ACTN2: variants seen among roughly 807,000 people sequenced by gnomAD.
ACTN2 encodes alpha-actinin-2.
Under a neutral mutation model 113.8 loss-of-function variants are expected in ACTN2, and 39 were observed. The observed-to-expected ratio is 0.34, with a 90% confidence interval of 0.27 to 0.45. The LOEUF (loss-of-function observed/expected upper bound fraction) is 0.45. Among genes scored for constraint, ACTN2 ranks in the 20% least tolerant of loss-of-function variants. The pLI is 1.00. For missense variants in ACTN2, 992 were observed against 1,177.9 expected, an observed-to-expected ratio of 0.84 and a Z score of 2.31; for synonymous variants, 429 against 444.1, an observed-to-expected ratio of 0.97 and a Z score of 0.43.
intron 9 of ACTN2, among the ~76,000 whole-genome samples, chr1:236,737,724 G>C (rs1658934914): frequency 6.6e-6 from 1 of 152,146 alleles, no homozygotes; most frequent in Non-Finnish European, 1.5e-5. Flanking sequence ...GGAAGACAGA[G>C]CCCTCCCTGC....
At chr1:236,745,079 C>T (rs1283624685) in intron 12 of ACTN2, among the ~76,000 whole-genome samples, 1 of 152,154 alleles carries the variant, frequency 6.6e-6, no homozygotes, top group Non-Finnish European at 1.5e-5. Flanking sequence ...GGCGGCCTCA[C>T]CCAGGCCAGG....
Position 236,762,730 on chromosome 1 carries a change from A to G in ACTN2, c.*111A>G, listed in dbSNP as rs1051251. 0.62 allele frequency: 771,765 copies of G among 1,236,128 alleles called. 234,311 individuals are homozygous for G. Among genetic ancestry groups the G allele is most frequent in the Non-Finnish European group, 0.68 (604,810 of 893,964 alleles). 76.6% of individuals were successfully genotyped at this position (1,236,128 alleles called of 1,614,324 possible). On this transcript the variant is annotated 3_prime_UTR_variant, in exon 21 of 21. Coordinates refer to ENST00000366578, the MANE Select transcript of ACTN2 (RefSeq NM_001103.4). ...TATTAAGTTGAGAGAGAGAGAGGGG[A>G]AAAAAAAAAGCCTTTCGTAGTTCAG...
At chr1:236,699,817 C>T (rs530926121) in intron 1 of ACTN2, among the ~76,000 whole-genome samples, 5 of 152,174 alleles carry the variant, frequency 3.3e-5, no homozygotes, top group East Asian at 1.9e-4. Flanking sequence ...TGAATCTCTC[C>T]GTATCCAGTA....
At position 236,751,607 on chromosome 1, in the gene ACTN2, G is replaced by A. The variant is rs137890030; in HGVS notation, c.1794G>A (p.Pro598=). The change falls in exon 15 of 21, where the codon CCG becomes CCA. Residue 598 remains proline (P), a synonymous_variant. Transcript: ENST00000366578. ...ACATCAGAATCAGCTCAAGCAACCC[G>A]TACAGCACTGTCACCATGGATGAGC... The part of the protein sequence containing the change: ...SYNIRISSSN[P]YSTVTMDELR... The A allele has an allele frequency of 6.3e-5, 101 of 1,613,982 alleles. No homozygotes were observed. The highest frequency in any genetic ancestry group is 3.8e-4 in the East Asian group (17 of 44,874).
chr1:236,755,607 C>T (rs3768129), intron 17 of ACTN2, among the ~76,000 whole-genome samples: 1,787 of 151,308 alleles, frequency 0.012, 47 homozygotes, highest in East Asian at 0.087. Context: ...GCAGAGTGCC[C>T]GCTGCCACTG....
intron 1 of ACTN2, among the ~76,000 whole-genome samples, chr1:236,716,634 T>C (rs1313998937): frequency 1.3e-5 from 2 of 152,124 alleles, no homozygotes; most frequent in Non-Finnish European, 2.9e-5. Context: ...GCTTGGAATA[T>C]GCTTGTAGGA....
intron 1 of ACTN2, among the ~76,000 whole-genome samples, chr1:236,715,317 C>G (rs187098773): frequency 0.012 from 1,401 of 112,838 alleles, 32 homozygotes; most frequent in African/African-American, 0.042. Context: ...CTCCCCCCAC[C>G]CTGTTACCAC....
At chr1:236,708,072 C>A (rs555094278) in intron 1 of ACTN2, among the ~76,000 whole-genome samples, 1 of 152,120 alleles carries the variant, frequency 6.6e-6, no homozygotes, top group African/African-American at 2.4e-5. Context: ...CTTGTCCACA[C>A]TAGACACTAA....
chr1:236,712,199 C>T (rs1238157422), intron 1 of ACTN2, among the ~76,000 whole-genome samples: 1 of 152,174 alleles, frequency 6.6e-6, no homozygotes, highest in Non-Finnish European at 1.5e-5. Flanking sequence ...CCATGATTAA[C>T]AGACTTTTCA....
chr1:236,739,175 G>C, intron 9 of ACTN2, 127 bp from the exon 10 acceptor site: 1 of 981,212 alleles, frequency 1.0e-6, no homozygotes, highest in Non-Finnish European at 1.6e-6. Context: ...GTGCGTAGAG[G>C]TACCACATCT....
intron 11 of ACTN2, among the ~76,000 whole-genome samples, chr1:236,743,569 C>T (rs1461855212): frequency 8.4e-5 from 12 of 143,152 alleles, no homozygotes; most frequent in East Asian, 2.0e-4. Flanking sequence ...GAATATGGCC[C>T]TTTTTTTTTT....
intron 1 of ACTN2, among the ~76,000 whole-genome samples, chr1:236,713,141 T>C (rs968562055): frequency 6.6e-6 from 1 of 152,096 alleles, no homozygotes; most frequent in Non-Finnish European, 1.5e-5. Context: ...GTTTATACAC[T>C]ACAGTGGAAT....
rs1230956710 is a variant in ACTN2, at chr1:236,725,926, A to G, written c.449-7A>G. The G allele has an allele frequency of 2.5e-6, 4 of 1,614,080 alleles. No homozygotes were observed. The East Asian group carries it at 6.7e-5, about 27-fold the overall frequency. On this transcript the variant is annotated splice_region_variant and splice_polypyrimidine_tract_variant and intron_variant, in intron 4 of 20. Coordinates refer to ENST00000366578, the MANE Select transcript of ACTN2 (RefSeq NM_001103.4). Reference sequence around the variant, plus strand: ...CTGGGGCCACTTTTTCTTGGCTGTCATTACAGAAACATCTGCCAAAGAAGG... The same window carrying G: ...CTGGGGCCACTTTTTCTTGGCTGTCGTTACAGAAACATCTGCCAAAGAAGG...
At chr1:236,696,179 C>T (rs189569874) in intron 1 of ACTN2, among the ~76,000 whole-genome samples, 6 of 151,742 alleles carry the variant, frequency 4.0e-5, no homozygotes, top group South Asian at 2.1e-4. Context: ...TGGTGGTATG[C>T]GCCTGTAATC....
chr1:236,744,913 T>A, intron 12 of ACTN2, 137 bp downstream of exon 12: 1 of 1,153,874 alleles, frequency 8.7e-7, no homozygotes, highest in Admixed American at 2.4e-5. Context: ...ATTCTCCTTG[T>A]TTCTTTAAAT....
intron 2 of ACTN2, among the ~76,000 whole-genome samples, chr1:236,718,207 T>C (rs1658278158): frequency 6.6e-6 from 1 of 152,120 alleles, no homozygotes; most frequent in African/African-American, 2.4e-5. Flanking sequence ...CCACCAAGCT[T>C]GAAACAAAAT....
chr1:236,709,255 T>TATATATATACACAC lies in ACTN2; in HGVS notation c.127-8602_127-8601insTATATATACACACA, dbSNP rs796606511. Among the ~76,000 whole-genome samples the TATATATATACACAC allele has an allele frequency of 5.6e-3, 385 of 68,796 alleles. 2 individuals carry two copies. The highest frequency in any genetic ancestry group is 7.1e-3 in the Non-Finnish European group (253 of 35,820). 45.1% of individuals were successfully genotyped at this position (68,796 alleles called of 152,430 possible). A position where few individuals can be genotyped will look rare whatever the true frequency, so the allele number is the denominator to read the frequency against. ...ATATATATATATATATATATATATA[T>TATATATATACACAC]ACACACACACACACACATATATATG... On this transcript the variant is annotated intron_variant, in intron 1 of 20. Transcript: ENST00000366578.
At chr1:236,736,555 T>G in intron 8 of ACTN2, 1 of 1,499,710 alleles carries the variant, frequency 6.7e-7, no homozygotes, top group Non-Finnish European at 9.0e-7. Flanking sequence ...ACTTCTCATC[T>G]AGGTTAGACA....
Position 236,737,355 on chromosome 1 carries a change from A to G in ACTN2, c.876+141A>G, listed in dbSNP as rs557902272. On this transcript the variant is annotated intron_variant, in intron 9 of 20. Transcript: ENST00000366578. ...CATCTCAGATAGGATGAAAGTAGGA[A>G]AATACACTTGATCTCTGAGGTTGTT... 1.1e-4 allele frequency: 28 copies of G among 255,682 alleles called. 6 individuals carry two copies. The South Asian group carries it at 1.2e-3, about 11-fold the overall frequency. 15.8% of individuals were successfully genotyped at this position (255,682 alleles called of 1,614,324 possible).
Sources: allele counts gnomAD v4.1 joint callset (sites outside exome capture counted in the v4.1 genomes callset), GRCh38; gene constraint gnomAD v4.1.1; transcripts MANE v1.5; gene names NCBI Gene and HGNC (gene_info 2026-07-23, HGNC 2026-07-21).